Variants in HORMAD2 observed in about 807,000 individuals in gnomAD.
HORMAD2 encodes the protein HORMA domain containing 2, also known as HORMA domain-containing protein 2.
Under a neutral mutation model 38.8 loss-of-function variants are expected in HORMAD2, and 45 were observed. The ratio of observed to expected loss-of-function variants is 1.16; its 90% CI spans 0.91 to 1.49. The LOEUF is 1.49. Ranked by LOEUF, HORMAD2 falls within the 40% of genes most tolerant of loss-of-function variation. The pLI, the probability that HORMAD2 is intolerant of heterozygous loss-of-function variation, is 0.00. For synonymous variants in HORMAD2, 126 were observed against 122.8 expected, an observed-to-expected ratio of 1.03 and a Z score of -0.17; for missense variants, 338 against 367.0, an observed-to-expected ratio of 0.92 and a Z score of 0.65.
At chr22:30,149,243 T>A (rs1161449365) in intron 10 of HORMAD2, among the ~76,000 whole-genome samples, 2 of 152,258 alleles carry the variant, frequency 1.3e-5, no homozygotes, top group African/African-American at 2.4e-5. Context: ...CTCAGTTTTC[T>A]CTTTACTTAT....
At chr22:30,194,124 G>A in the HORMAD2 span, among the ~76,000 whole-genome samples, 2 of 152,158 alleles carry the variant, frequency 1.3e-5, no homozygotes, top group African/African-American at 4.8e-5. Context: ...TTAAGCCACT[G>A]AAGTATTGTC....
chr22:30,204,983 G>GC, the HORMAD2 span, among the ~76,000 whole-genome samples: 1 of 152,160 alleles, frequency 6.6e-6, no homozygotes, highest in Admixed American at 6.5e-5. Context: ...CCTGGAGCCG[G>GC]CCCGGGGTGG....
intron 9 of HORMAD2, 78 bp downstream of exon 9, chr22:30,121,867 A>T (rs1922465207): frequency 6.5e-7 from 1 of 1,541,208 alleles, no homozygotes; most frequent in African/African-American, 1.4e-5. Context: ...TTTTGCAGGC[A>T]TCTGAAAGAG....
Position 30,176,224 on chromosome 22 carries a change from C to T in HORMAD2, c.*57C>T, listed in dbSNP as rs1247773241. 2 of 1,154,064 alleles carry T rather than the reference C, an allele frequency of 1.7e-6. No individual in the cohort carries two copies. The highest frequency in any genetic ancestry group is 3.7e-5 in the Admixed American group (2 of 53,368). The allele number at this position is 1,154,064 out of a possible 1,614,324, so 71.5% of individuals were successfully genotyped here. A position where few individuals can be genotyped will look rare whatever the true frequency, so the allele number is the denominator to read the frequency against. ...AATAAGTTTATTTTGTAAAAACATG[C>T]ATAAACTGTCTTAGCAGGAAAGTAC... On this transcript the variant is annotated 3_prime_UTR_variant, in exon 11 of 11. Transcript: ENST00000336726.
At chr22:30,186,034 T>C in the HORMAD2 span, among the ~76,000 whole-genome samples, 1 of 151,996 alleles carries the variant, frequency 6.6e-6, no homozygotes, top group Admixed American at 6.6e-5. Flanking sequence ...TAAATAACAA[T>C]CAAAAATCTT....
At chr22:30,125,059 T>C (rs1922738046) in intron 10 of HORMAD2, among the ~76,000 whole-genome samples, 1 of 152,046 alleles carries the variant, frequency 6.6e-6, no homozygotes, top group African/African-American at 2.4e-5. Flanking sequence ...TCATATTAAA[T>C]AGCTGTTCAT....
At chr22:30,141,842 G>A (rs550997168) in intron 10 of HORMAD2, among the ~76,000 whole-genome samples, 6 of 152,016 alleles carry the variant, frequency 3.9e-5, no homozygotes, top group African/African-American at 9.7e-5. Context: ...TGATCTGCCC[G>A]CCTTGGACTC....
At chr22:30,159,063 G>A (rs1925283818) in intron 10 of HORMAD2, among the ~76,000 whole-genome samples, 1 of 152,290 alleles carries the variant, frequency 6.6e-6, no homozygotes, top group South Asian at 2.1e-4. Context: ...CTACTGTCAT[G>A]TTTTTCAAAT....
At chr22:30,162,771 C>T (rs542613682) in intron 10 of HORMAD2, among the ~76,000 whole-genome samples, 113 of 147,898 alleles carry the variant, frequency 7.6e-4, no homozygotes, top group Admixed American at 1.3e-3. Flanking sequence ...GGCGCAATCT[C>T]GGCTCACTGC....
rs558564028 is a variant in HORMAD2 at position 30,125,201 on chromosome 22, C to G, written c.819+2987C>G. Among the ~76,000 whole-genome samples the G allele has an allele frequency of 6.9e-3, 590 of 85,870 alleles. 3 individuals are homozygous for G. The highest frequency in any genetic ancestry group is 0.027 in the African/African-American group (567 of 20,674). The allele number at this position is 85,870 out of a possible 152,430, so 56.3% of individuals were successfully genotyped here. On this transcript the variant is annotated intron_variant, in intron 10 of 10. Coordinates refer to ENST00000336726, the MANE Select transcript of HORMAD2 (RefSeq NM_152510.4). ...TTCATGTTTGTGGCTCATCTTTTCA[C>G]TTTCTTTTTCTTTTCTTTTTTTTTT... is the stretch of plus-strand genomic sequence containing the variant.
the HORMAD2 span, among the ~76,000 whole-genome samples, chr22:30,190,831 A>G: frequency 1.3e-5 from 2 of 152,372 alleles, no homozygotes; most frequent in South Asian, 2.1e-4. Context: ...GGAAATAACT[A>G]GAAAAGAGGC....
chr22:30,162,092 A>G (rs970130462), intron 10 of HORMAD2, among the ~76,000 whole-genome samples: 2 of 152,126 alleles, frequency 1.3e-5, no homozygotes, highest in African/African-American at 4.8e-5. Flanking sequence ...GTGGGCCGAT[A>G]ACTTTAGCCC....
At chr22:30,165,912 G>C (rs958145530) in intron 10 of HORMAD2, among the ~76,000 whole-genome samples, 4 of 151,368 alleles carry the variant, frequency 2.6e-5, no homozygotes, top group African/African-American at 9.7e-5. Flanking sequence ...TAGGGTAACT[G>C]TTTCCCCTCA....
rs574938929 is a variant in HORMAD2, at chr22:30,172,305, A to G, written c.820-3758A>G. ...GGTCCCAAACACCTAGAAGAGTGCC[A>G]TGCACATAGCTGACACTCAATAAAT... On this transcript the variant is annotated intron_variant, in intron 10 of 10. Transcript: ENST00000336726. Among the ~76,000 whole-genome samples, 8 of 152,346 alleles carry G rather than the reference A, an allele frequency of 5.3e-5. No homozygotes were observed. The East Asian group carries it at 1.3e-3, about 26-fold the overall frequency.
chr22:30,128,929 C>G (rs1752122450), intron 10 of HORMAD2, among the ~76,000 whole-genome samples: 1 of 151,934 alleles, frequency 6.6e-6, no homozygotes, highest in Non-Finnish European at 1.5e-5. Context: ...GAGAATAATG[C>G]CCTGGCCGGG....
intron 10 of HORMAD2, among the ~76,000 whole-genome samples, chr22:30,160,365 A>G (rs1925368427): frequency 6.6e-6 from 1 of 152,094 alleles, no homozygotes; most frequent in Non-Finnish European, 1.5e-5. Flanking sequence ...TCCGTAAAAG[A>G]CCAAGAGTGG....
the HORMAD2 span, among the ~76,000 whole-genome samples, chr22:30,197,573 C>T: frequency 6.6e-6 from 1 of 152,180 alleles, no homozygotes; most frequent in African/African-American, 2.4e-5. Context: ...CTGATGCCCT[C>T]AGCAACAAGA....
chr22:30,119,161 A>G (rs915611129), intron 8 of HORMAD2, 114 bp downstream of exon 8: 2 of 660,800 alleles, frequency 3.0e-6, no homozygotes, highest in African/African-American at 3.7e-5. Context: ...CACAAACCCT[A>G]CAGAAAACCA....
chr22:30,184,105 C>A, the HORMAD2 span, among the ~76,000 whole-genome samples: 1 of 152,188 alleles, frequency 6.6e-6, no homozygotes, highest in Non-Finnish European at 1.5e-5. Context: ...CCTCTGGTCG[C>A]ATCTCTCAAC....
Sources: gnomAD v4.1 joint callset for allele counts (sites outside exome capture counted in the v4.1 genomes callset) on GRCh38, gnomAD v4.1.1 for gene constraint, MANE v1.5 for transcripts, NCBI Gene and HGNC (gene_info 2026-07-23, HGNC 2026-07-21) for gene names.